The following SLC4A4 variants were observed in gnomAD, a reference collection of about 807,000 sequenced individuals.
SLC4A4 encodes the protein solute carrier family 4 member 4.
A neutral mutation model predicts 111.5 loss-of-function variants in SLC4A4; 27 were observed. The observed-to-expected ratio is 0.24, with a 90% CI of 0.18 to 0.33. The LOEUF is 0.33. SLC4A4 is among the 10% of genes least tolerant of loss of function. The pLI, the probability that SLC4A4 is intolerant of heterozygous loss-of-function variation, is 1.00. For missense variants in SLC4A4, 909 were observed against 1,315.5 expected (o/e 0.69, Z 4.78); for synonymous variants, 443 against 463.4 (o/e 0.96, Z 0.57).
intron 3 of SLC4A4, among the ~76,000 whole-genome samples, chr4:71,286,747 G>A (rs1439838239): frequency 1.3e-5 from 2 of 152,066 alleles, no homozygotes; most frequent in African/African-American, 4.8e-5. Context: ...AAACTTTAAG[G>A]TTACAAGTAA....
Position 71,357,198 on chromosome 4 carries a change from G to C in SLC4A4, c.730+11G>C. ...CCAACCCTGATAATGGTAATGCAGAGGCCAGCTGGCTGCTGCTTTCTCTTA... is the reference window on the plus strand; with the variant it reads ...CCAACCCTGATAATGGTAATGCAGACGCCAGCTGGCTGCTGCTTTCTCTTA... On this transcript the variant is annotated intron_variant, in intron 6 of 25. Transcript: ENST00000264485. 1 of 1,611,906 alleles carries C rather than the reference G, an allele frequency of 6.2e-7. No homozygotes were observed. Among genetic ancestry groups the C allele is most frequent in the African/African-American group, 1.3e-5 (1 of 74,998 alleles).
intron 2 of SLC4A4, among the ~76,000 whole-genome samples, chr4:71,135,635 A>G (rs1353457182): frequency 6.6e-6 from 1 of 152,132 alleles, no homozygotes; most frequent in Admixed American, 6.5e-5. Flanking sequence ...AATACAATAC[A>G]TTGTTATTAA....
At chr4:71,388,149 C>T (rs1718931545) in intron 6 of SLC4A4, among the ~76,000 whole-genome samples, 1 of 152,180 alleles carries the variant, frequency 6.6e-6, no homozygotes, top group Non-Finnish European at 1.5e-5. Context: ...CTATTCTTTT[C>T]TCTTTCTGCT....
intron 3 of SLC4A4, chr4:71,300,864 C>A: frequency 2.1e-6 from 1 of 484,032 alleles, no homozygotes; most frequent in Non-Finnish European, 4.2e-6. Context: ...ACAGGGCCCG[C>A]TTCCAATCTT....
At chr4:71,377,203 AG>A (rs1204542028) in intron 6 of SLC4A4, among the ~76,000 whole-genome samples, 2 of 152,264 alleles carry the variant, frequency 1.3e-5, no homozygotes, top group African/African-American at 2.4e-5. Flanking sequence ...GAGACCAAAA[AG>A]TTTGATAACT....
Position 71,421,898 on chromosome 4 carries a change from T to C in SLC4A4, c.808-18718T>C, listed in dbSNP as rs372621741. 2.7e-4 allele frequency among the ~76,000 whole-genome samples: 41 copies of C among 151,786 alleles called. 7 individuals are homozygous for C. Among genetic ancestry groups the C allele is most frequent in the East Asian group, 7.8e-4 (4 of 5,148 alleles). ...AAGAGAAAGCAGGAAAGATCCAAAA[T>C]TGACACCCTAACATCACAATTAAAG... On this transcript the variant is annotated intron_variant, in intron 7 of 25. Transcript: ENST00000264485.
chr4:71,347,307 G>A (rs961048528), intron 4 of SLC4A4, among the ~76,000 whole-genome samples: 2 of 152,158 alleles, frequency 1.3e-5, no homozygotes, highest in African/African-American at 4.8e-5. Flanking sequence ...TATTTGGACA[G>A]TTGAGGATTG....
At chr4:71,340,570 C>T (rs976741447) in intron 4 of SLC4A4, among the ~76,000 whole-genome samples, 16 of 152,034 alleles carry the variant, frequency 1.1e-4, no homozygotes, top group Non-Finnish European at 2.2e-4. Context: ...GAATGTATCC[C>T]CTGTGAATAA....
At chr4:71,231,281 C>T (rs1429931077) in intron 1 of SLC4A4, among the ~76,000 whole-genome samples, 3 of 152,098 alleles carry the variant, frequency 2.0e-5, no homozygotes, top group Non-Finnish European at 4.4e-5. Flanking sequence ...CTGGTGAGCA[C>T]GTTGGCAGTT....
intron 2 of SLC4A4, among the ~76,000 whole-genome samples, chr4:71,111,539 T>TGTTTTTCG (rs1560725506): frequency 2.1e-5 from 3 of 140,954 alleles, no homozygotes; most frequent in African/African-American, 8.0e-5. Context: ...TTTTTTTTTT[T>TGTTTTTCG]TTTTTTTTTT....
At chr4:71,141,187 T>C (rs1375431851) in intron 2 of SLC4A4, among the ~76,000 whole-genome samples, 1 of 152,240 alleles carries the variant, frequency 6.6e-6, no homozygotes, top group East Asian at 1.9e-4. Context: ...CCAGCCTCTG[T>C]AACCATACTT....
chr4:71,522,988 G>A (rs538354187), intron 16 of SLC4A4, among the ~76,000 whole-genome samples: 52 of 152,166 alleles, frequency 3.4e-4, no homozygotes, highest in African/African-American at 1.2e-3. Context: ...TTTTTTAATT[G>A]ACATTTTGGT....
chr4:71,525,923 GCGC>G (rs1733375878), intron 16 of SLC4A4, among the ~76,000 whole-genome samples: 2 of 151,952 alleles, frequency 1.3e-5, no homozygotes. Flanking sequence ...TTTTCTAAAT[GCGC>G]TTAAAACTGT....
intron 7 of SLC4A4, among the ~76,000 whole-genome samples, chr4:71,431,727 A>G (rs1723661643): frequency 6.6e-6 from 1 of 151,966 alleles, no homozygotes; most frequent in Non-Finnish European, 1.5e-5. Flanking sequence ...TATACTTCTA[A>G]TTTTTTAGTG....
intron 7 of SLC4A4, chr4:71,434,289 A>G (rs1291737514): frequency 6.6e-6 from 1 of 152,120 alleles, no homozygotes; most frequent in Non-Finnish European, 1.5e-5. Context: ...GCTACTTTTG[A>G]AATTTTTCTC....
chr4:71,335,404 A>G (rs992452969), intron 3 of SLC4A4, among the ~76,000 whole-genome samples: 3 of 152,166 alleles, frequency 2.0e-5, no homozygotes, highest in Admixed American at 6.5e-5. Context: ...TCTGCCTGTC[A>G]TTTCTTCATT....
At chr4:71,335,782 G>A (rs113309839) in intron 3 of SLC4A4, among the ~76,000 whole-genome samples, 16 of 151,338 alleles carry the variant, frequency 1.1e-4, no homozygotes, top group African/African-American at 3.4e-4. Flanking sequence ...CTGAGTTAGC[G>A]CCACTGCACT....
chr4:71,349,595 C>T (rs924244318), intron 4 of SLC4A4, among the ~76,000 whole-genome samples: 2 of 152,042 alleles, frequency 1.3e-5, no homozygotes, highest in Non-Finnish European at 2.9e-5. Flanking sequence ...ATTTTTCTAC[C>T]TTATTAAAAA....
chr4:71,392,992 A>G (rs1719451344), intron 6 of SLC4A4, among the ~76,000 whole-genome samples: 1 of 152,194 alleles, frequency 6.6e-6, no homozygotes. Context: ...AACTCTCAAC[A>G]AAATTGGCAT....
Sources: allele counts gnomAD v4.1 joint callset (sites outside exome capture counted in the v4.1 genomes callset), GRCh38; gene constraint gnomAD v4.1.1; transcripts MANE v1.5; gene names NCBI Gene and HGNC (gene_info 2026-07-23, HGNC 2026-07-21).